DARS2: variants seen among roughly 807,000 people sequenced by gnomAD.
DARS2 encodes the protein aspartyl-tRNA synthetase 2, mitochondrial.
In DARS2, 63 loss-of-function variants were observed where a neutral mutation model predicts 83.0. The observed-to-expected ratio is 0.76, with a 90% CI of 0.62 to 0.94. The LOEUF is 0.94. Ranked by LOEUF, DARS2 falls within the 40% of genes least tolerant of loss-of-function variation. DARS2 has a pLI of 0.00. For missense variants in DARS2, 675 were observed against 774.4 expected, an observed-to-expected ratio of 0.87 and a Z score of 1.52; for synonymous variants, 250 against 269.3, an observed-to-expected ratio of 0.93 and a Z score of 0.70.
At chr1:173,838,686 G>A (rs1653096545) in intron 9 of DARS2, among the ~76,000 whole-genome samples, 1 of 151,744 alleles carries the variant, frequency 6.6e-6, no homozygotes, top group Non-Finnish European at 1.5e-5. Flanking sequence ...TACCAAAGCT[G>A]TTACGATTTG....
intron 15 of DARS2, 32 bp downstream of exon 15, chr1:173,853,937 T>G (rs1179651354): frequency 3.3e-6 from 5 of 1,533,572 alleles, no homozygotes; most frequent in Non-Finnish European, 4.5e-6. Flanking sequence ...CCTGGGCTTA[T>G]TTTTTTACCA....
chr1:173,829,406 A>C (rs1652708637), intron 3 of DARS2, among the ~76,000 whole-genome samples: 1 of 152,150 alleles, frequency 6.6e-6, no homozygotes, highest in Non-Finnish European at 1.5e-5. Flanking sequence ...ATTACTGCTC[A>C]AAAAAGTATT....
Position 173,830,643 on chromosome 1 carries a change from T to TC in DARS2, c.295-12dup, listed in dbSNP as rs770357249. 1 of 1,595,432 alleles carries TC rather than the reference T, an allele frequency of 6.3e-7. No homozygotes were observed. The highest frequency in any genetic ancestry group is 1.3e-5 in the African/African-American group (1 of 74,640). Reference sequence around the variant, plus strand: ...GTTCATTTGTTTCTCAGAACTCTTTTCCCCCTTGTTCTGTAGTCGGCAGCC... The same window carrying TC: ...GTTCATTTGTTTCTCAGAACTCTTTTCCCCCCTTGTTCTGTAGTCGGCAGCC... On this transcript the variant is annotated splice_polypyrimidine_tract_variant and intron_variant, in intron 3 of 16. Transcript: ENST00000649689.
intron 7 of DARS2, among the ~76,000 whole-genome samples, chr1:173,834,732 G>T (rs58291035): frequency 0.11 from 2,332 of 20,718 alleles, 27 homozygotes; most frequent in African/African-American, 0.15. Context: ...GAGTTTTTTT[G>T]TTTTTTTTTT....
chr1:173,845,305 T>C lies in DARS2; in HGVS notation c.1191+14T>C. On this transcript the variant is annotated intron_variant, in intron 12 of 16. Coordinates refer to ENST00000649689, the MANE Select transcript of DARS2 (RefSeq NM_018122.5). ...CATTTTAATCAGGTAAGGAGTTAAT[T>C]AGAGCAGTTTTTTTCCTTATACAGA... The C allele has an allele frequency of 1.3e-6, 2 of 1,590,442 alleles. No individual in the cohort carries two copies. The highest frequency in any genetic ancestry group is 1.7e-6 in the Non-Finnish European group (2 of 1,158,904).
chr1:173,826,040 G>C (rs2102632228), intron 1 of DARS2, among the ~76,000 whole-genome samples: 1 of 151,026 alleles, frequency 6.6e-6, no homozygotes, highest in East Asian at 2.0e-4. Context: ...GGCTAACACG[G>C]TGAAACCCCG....
chr1:173,851,671 A>G (rs1653673254), intron 13 of DARS2, among the ~76,000 whole-genome samples: 1 of 152,222 alleles, frequency 6.6e-6, no homozygotes, highest in Non-Finnish European at 1.5e-5. Context: ...TATAGTACAA[A>G]GTCAAATATG....
At chr1:173,826,048 C>G (rs916754785) in intron 1 of DARS2, among the ~76,000 whole-genome samples, 57 of 150,840 alleles carry the variant, frequency 3.8e-4, no homozygotes, top group South Asian at 1.3e-3. Context: ...CGGTGAAACC[C>G]CGTCTCTACT....
intron 7 of DARS2, among the ~76,000 whole-genome samples, chr1:173,834,913 G>A (rs887012741): frequency 8.0e-5 from 12 of 150,454 alleles, no homozygotes; most frequent in African/African-American, 2.9e-4. Flanking sequence ...TGAGTAGCTG[G>A]GATTACAGGC....
At chr1:173,834,882 G>A (rs1379891837) in intron 7 of DARS2, among the ~76,000 whole-genome samples, 2 of 146,530 alleles carry the variant, frequency 1.4e-5, no homozygotes, top group African/African-American at 5.1e-5. Context: ...GGATCCAAGC[G>A]ATTCTCATGG....
intron 7 of DARS2, 103 bp downstream of exon 7, chr1:173,834,622 C>T: frequency 1.2e-6 from 1 of 801,904 alleles, no homozygotes; most frequent in Non-Finnish European, 2.1e-6. Flanking sequence ...TTTACTGCCT[C>T]AGGATGGTCA....
chr1:173,839,368 T>G lies in DARS2; in HGVS notation c.842T>G (p.Ile281Ser). The G allele has an allele frequency of 6.2e-7, 1 of 1,613,826 alleles. No homozygotes were observed. Among genetic ancestry groups the G allele is most frequent in the Non-Finnish European group, 8.5e-7 (1 of 1,179,698 alleles). The change falls in exon 10 of 17, where the codon ATT (isoleucine) becomes AGT (serine). Residue 281 changes from isoleucine to serine, a missense_variant and splice_region_variant. By Grantham distance (142) the Ile-to-Ser change is moderately radical. Transcript: ENST00000649689. ...TTCCATATGGTACTTTGGTTTCAGA[T>G]TGACATAGAGATGTCATTTGTAGAC... Reference protein sequence around the residue: ...RPDRQPEFTQIDIEMSFVDQT... With the variant: ...RPDRQPEFTQSDIEMSFVDQT...
At chr1:173,834,715 T>C (rs948753973) in intron 7 of DARS2, among the ~76,000 whole-genome samples, 196 bp downstream of exon 7, 2 of 150,154 alleles carry the variant, frequency 1.3e-5, no homozygotes, top group African/African-American at 4.9e-5. Context: ...TAAATTTTCT[T>C]TCCTTTGAGT....
chr1:173,850,252 T>C, intron 12 of DARS2, 75 bp from the exon 13 acceptor site: 1 of 1,447,806 alleles, frequency 6.9e-7, no homozygotes, highest in Non-Finnish European at 9.3e-7. Context: ...GAAATCTTTG[T>C]ATTATAAGAA....
intron 3 of DARS2, among the ~76,000 whole-genome samples, chr1:173,830,254 G>A (rs1181305958): frequency 6.6e-6 from 1 of 152,046 alleles, no homozygotes; most frequent in Non-Finnish European, 1.5e-5. Flanking sequence ...TTATCTTTTA[G>A]GGATCAACAT....
Position 173,836,951 on chromosome 1 carries a change from G to C in DARS2, c.675G>C (p.Glu225Asp), listed in dbSNP as rs1653027622. 6.2e-7 allele frequency: 1 copy of C among 1,613,796 alleles called. No individual in the cohort carries two copies. Among genetic ancestry groups the C allele is most frequent in the African/African-American group, 1.3e-5 (1 of 74,934 alleles). The stretch of plus-strand genomic sequence containing the variant: ...TCTCTCTTTGAAAGGGTGCCAAAGA[G>C]TTTTTAGTACCATCCAGGGAACCTG... ...LFKRTPGGAK[E>D]FLVPSREPGK... The change falls in exon 8 of 17, where the codon GAG (glutamate) becomes GAC (aspartate). Residue 225 changes from glutamate (E) to aspartate (D), a missense_variant. Coordinates refer to ENST00000649689, the MANE Select transcript of DARS2 (RefSeq NM_018122.5).
chr1:173,843,220 T>C (rs1411361920), intron 11 of DARS2, among the ~76,000 whole-genome samples: 1 of 152,156 alleles, frequency 6.6e-6, no homozygotes. Context: ...CATGGTTTAT[T>C]GCCATACAAA....
At chr1:173,834,660 A>G in intron 7 of DARS2, 141 bp downstream of exon 7, 1 of 363,164 alleles carries the variant, frequency 2.8e-6, no homozygotes, top group South Asian at 4.3e-5. Context: ...TGAAGAATTG[A>G]GAAAATTATT....
chr1:173,843,326 T>A (rs1338975224), intron 11 of DARS2, among the ~76,000 whole-genome samples: 1 of 152,030 alleles, frequency 6.6e-6, no homozygotes, highest in Non-Finnish European at 1.5e-5. Flanking sequence ...TTTGGGAGGC[T>A]GAGGCGGGCG....
Sources: allele counts gnomAD v4.1 joint callset (sites outside exome capture counted in the v4.1 genomes callset), GRCh38; gene constraint gnomAD v4.1.1; transcripts MANE v1.5; gene names NCBI Gene and HGNC (gene_info 2026-07-23, HGNC 2026-07-21).